The following GK variants were observed in gnomAD, a reference collection of about 807,000 sequenced individuals.
GK encodes the protein glycerol kinase, also known as ATP:glycerol 3-phosphotransferase.
GK carries 9 observed loss-of-function variants against 56.4 expected under a neutral mutation model. That is an observed-to-expected ratio of 0.16 (90% CI 0.10 to 0.28). GK has a LOEUF of 0.28. GK is among the 10% of genes least tolerant of loss of function. GK has a pLI of 1.00. For synonymous variants in GK, 104 were observed against 144.1 expected, an observed-to-expected ratio of 0.72 and a Z score of 1.99; for missense variants, 161 against 431.4, an observed-to-expected ratio of 0.37 and a Z score of 5.55.
chrX:30,711,423 A>T (rs1374846191), intron 13 of GK, among the ~76,000 whole-genome samples: 6 of 110,273 alleles, frequency 5.4e-5, no homozygotes, highest in Non-Finnish European at 7.6e-5. Flanking sequence ...CTGTGTTTGG[A>T]TTTATTTTTA....
At chrX:30,669,464 G>A (rs1933329984) in intron 3 of GK, among the ~76,000 whole-genome samples, 2 of 111,260 alleles carry the variant, frequency 1.8e-5, no homozygotes, top group African/African-American at 3.3e-5. Flanking sequence ...TTACAGGCAT[G>A]AGCCACCGCG....
intron 13 of GK, among the ~76,000 whole-genome samples, chrX:30,711,794 TA>T (rs1936334175): frequency 9.0e-6 from 1 of 111,659 alleles, no homozygotes; most frequent in East Asian, 2.8e-4. Context: ...AAAATTATTA[TA>T]AAGGCTCATG....
chrX:30,654,323 T>C (rs949593404), intron 1 of GK, among the ~76,000 whole-genome samples: 1 of 112,822 alleles, frequency 8.9e-6, no homozygotes, highest in Non-Finnish European at 1.9e-5. Flanking sequence ...TCTCTTTTTA[T>C]TTACCATGTG....
At chrX:30,704,817 A>C (rs1455824756) in intron 11 of GK, among the ~76,000 whole-genome samples, 2 of 110,672 alleles carry the variant, frequency 1.8e-5, no homozygotes, top group Non-Finnish European at 3.8e-5. Context: ...TGATCTGCCC[A>C]CCTCAGCCTC....
At position 30,689,446 on chromosome X, in the gene GK, G is replaced by C. The variant is rs556172138; in HGVS notation, c.338-1677G>C. 4 of 324,024 alleles carry C rather than the reference G, an allele frequency of 1.2e-5. No homozygotes were observed. In the East Asian group the frequency reaches 3.0e-4, roughly 24 times the overall value. 26.7% of individuals were successfully genotyped at this position (324,024 alleles called of 1,213,427 possible). On this transcript the variant is annotated intron_variant, in intron 4 of 20. Coordinates refer to ENST00000427190, the MANE Select transcript of GK (RefSeq NM_001205019.2). The stretch of plus-strand genomic sequence containing the variant: ...AACTAAATGAAGTTTAAAGCAGGGG[G>C]CAGTTCTTTTGCTCTTGGAAGCAGC...
intron 4 of GK, among the ~76,000 whole-genome samples, chrX:30,683,886 G>A (rs2147179234): frequency 8.9e-6 from 1 of 111,959 alleles, no homozygotes; most frequent in East Asian, 2.8e-4. Flanking sequence ...AACCAAAGCA[G>A]GCCTTGGGCT....
At chrX:30,727,181 A>G (rs1045480117) in intron 19 of GK, among the ~76,000 whole-genome samples, 2 of 112,234 alleles carry the variant, frequency 1.8e-5, no homozygotes, top group Non-Finnish European at 3.8e-5. Context: ...AAAGTTATCC[A>G]TAGGCTCACT....
intron 11 of GK, 61 bp downstream of exon 11, chrX:30,700,966 G>A: frequency 1.4e-6 from 1 of 730,890 alleles, no homozygotes; most frequent in Non-Finnish European, 2.2e-6. Context: ...TTGGTGCTTT[G>A]AATAAGGAAA....
At chrX:30,716,503 A>G (rs1039491224) in intron 13 of GK, among the ~76,000 whole-genome samples, 1 of 112,185 alleles carries the variant, frequency 8.9e-6, no homozygotes, top group African/African-American at 3.2e-5. Context: ...TTTTTTTAAT[A>G]CATTGGGTTA....
intron 4 of GK, among the ~76,000 whole-genome samples, chrX:30,679,060 A>T (rs1038445612): frequency 9.1e-6 from 1 of 109,701 alleles, no homozygotes; most frequent in Non-Finnish European, 1.9e-5. Context: ...CATTTTGAAT[A>T]TAAGACAGAC....
At chrX:30,670,085 A>G (rs1434399524) in intron 3 of GK, among the ~76,000 whole-genome samples, 1 of 112,496 alleles carries the variant, frequency 8.9e-6, no homozygotes, top group Non-Finnish European at 1.9e-5. Context: ...TGAACTTTAG[A>G]TGAGTTGTGC....
intron 4 of GK, among the ~76,000 whole-genome samples, chrX:30,684,409 TA>T (rs1934463663): frequency 8.9e-6 from 1 of 112,155 alleles, no homozygotes; most frequent in Admixed American, 9.4e-5. Flanking sequence ...CTCACGCCTA[TA>T]ATCCCAACAC....
Position 30,720,084 on chromosome X carries a change from C to T in GK, c.1225C>T (p.Gln409Ter). The T allele has an allele frequency of 5.1e-6, 6 of 1,172,158 alleles. No individual in the cohort carries two copies. Among genetic ancestry groups the T allele is most frequent in the Non-Finnish European group, 7.0e-6 (6 of 859,606 alleles). Residue 409 changes from glutamine to a stop codon, truncating the protein, a stop_gained, in exon 16 of 21, where the codon CAA becomes TAA. Transcript: ENST00000427190. LOFTEE classifies it high-confidence loss of function. ...AFAALEAVCFQTREILDAMNR... is the reference protein window; with the variant it reads ...AFAALEAVCF Reference sequence around the variant, plus strand: ...TGCTGCATTAGAAGCTGTTTGTTTCCAAACTCGAGAGGTAACAAATATGGG... The same window carrying T: ...TGCTGCATTAGAAGCTGTTTGTTTCTAAACTCGAGAGGTAACAAATATGGG...
At chrX:30,691,311 A>C in intron 5 of GK, 112 bp downstream of exon 5, 1 of 470,095 alleles carries the variant, frequency 2.1e-6, no homozygotes. Context: ...GATACAATTT[A>C]TAGAATCTTT....
intron 5 of GK, among the ~76,000 whole-genome samples, chrX:30,693,091 A>G (rs1381971854): frequency 1.1e-5 from 1 of 92,009 alleles, no homozygotes; most frequent in Non-Finnish European, 2.0e-5. Context: ...ATCTTGGCTC[A>G]CTGCAAGCTC....
intron 4 of GK, chrX:30,689,669 C>A: frequency 3.3e-6 from 1 of 298,971 alleles, no homozygotes; most frequent in Non-Finnish European, 6.6e-6. Flanking sequence ...GAGCACAAAT[C>A]TCTTTGACCA....
At position 30,707,912 on chromosome X, in the gene GK, G is replaced by A. The variant is rs766599152; in HGVS notation, c.895-142G>A. ...CTTAAATGTGTTCTTAATTCTGATC[G>A]TTTTGACTGTAAGGATTTATTTTAA... On this transcript the variant is annotated intron_variant, in intron 12 of 20. Coordinates refer to ENST00000427190, the MANE Select transcript of GK (RefSeq NM_001205019.2). 74 of 467,265 alleles carry A rather than the reference G, an allele frequency of 1.6e-4. 1 individual carries two copies. In the South Asian group the frequency reaches 2.1e-3, roughly 13 times the overall value. 38.5% of individuals were successfully genotyped at this position (467,265 alleles called of 1,213,427 possible). A position where few individuals can be genotyped will look rare whatever the true frequency, so the allele number is the denominator to read the frequency against.
intron 1 of GK, among the ~76,000 whole-genome samples, chrX:30,664,137 TTTTATAG>T (rs1406141146): frequency 1.7e-4 from 15 of 86,771 alleles, no homozygotes; most frequent in African/African-American, 3.9e-4. Flanking sequence ...TCTATATATA[TTTTATAG>T]ATATATATTT....
intron 3 of GK, among the ~76,000 whole-genome samples, chrX:30,669,183 G>GTTT (rs138035890): frequency 1.0e-5 from 1 of 96,283 alleles, no homozygotes. Flanking sequence ...AGTCCTAGTA[G>GTTT]TTTTTTTTTT....
Sources: allele counts gnomAD v4.1 joint callset (sites outside exome capture counted in the v4.1 genomes callset), GRCh38; gene constraint gnomAD v4.1.1; transcripts MANE v1.5; gene names NCBI Gene and HGNC (gene_info 2026-07-23, HGNC 2026-07-21).